The following PDE10A variants were observed in gnomAD, a reference collection of about 807,000 sequenced individuals.
The protein encoded by PDE10A is phosphodiesterase 10A.
A neutral mutation model predicts 97.7 loss-of-function variants in PDE10A; 39 were observed. That is an observed-to-expected ratio of 0.40 (90% confidence interval 0.31 to 0.52). PDE10A has a LOEUF of 0.52. PDE10A is among the 20% of genes least tolerant of loss of function. The pLI is 0.56. For missense variants in PDE10A, 731 were observed against 1,047.8 expected (o/e 0.70, Z 4.17); for synonymous variants, 371 against 376.8 (o/e 0.98, Z 0.18).
intron 1 of PDE10A, among the ~76,000 whole-genome samples, chr6:165,979,951 T>C (rs1300205331): frequency 4.6e-5 from 7 of 152,220 alleles, no homozygotes; most frequent in Non-Finnish European, 8.8e-5. Flanking sequence ...ACTACTTAAA[T>C]TCCTCAATGT....
chr6:165,329,731 T>C lies in PDE10A; in HGVS notation c.*3294A>G, dbSNP rs530834154. Reference sequence around the variant, plus strand: ...GAAATCTATTATTGAACACATCTAGTTTCCAATTAGTTGCTTTTGTTGTGG... The same window carrying C: ...GAAATCTATTATTGAACACATCTAGCTTCCAATTAGTTGCTTTTGTTGTGG... On this transcript the variant is annotated 3_prime_UTR_variant, in exon 22 of 22. Coordinates refer to ENST00000539869, the MANE Select transcript of PDE10A (RefSeq NM_001385079.1). The C allele has an allele frequency of 1.3e-5, 2 of 152,310 alleles. No homozygotes were observed. The highest frequency in any genetic ancestry group is 6.5e-5 in the Admixed American group (1 of 15,302). 9.4% of individuals were successfully genotyped at this position (152,310 alleles called of 1,614,324 possible).
At chr6:165,619,961 T>C (rs537471567) in intron 1 of PDE10A, among the ~76,000 whole-genome samples, 1 of 152,256 alleles carries the variant, frequency 6.6e-6, no homozygotes, top group South Asian at 2.1e-4. Flanking sequence ...TGTTAACTTC[T>C]AATAACTGAC....
chr6:165,718,077 T>G (rs999737908), intron 1 of PDE10A, among the ~76,000 whole-genome samples: 1 of 152,252 alleles, frequency 6.6e-6, no homozygotes, highest in South Asian at 2.1e-4. Context: ...TGTCCTTTGA[T>G]GCACAAAAGT....
At chr6:165,523,678 C>A (rs1367620626) in intron 2 of PDE10A, among the ~76,000 whole-genome samples, 4 of 152,094 alleles carry the variant, frequency 2.6e-5, no homozygotes, top group African/African-American at 9.7e-5. Flanking sequence ...TATAAGAACC[C>A]TAGGAAATAC....
At chr6:165,648,702 T>C (rs549186804) in intron 1 of PDE10A, among the ~76,000 whole-genome samples, 200 of 152,004 alleles carry the variant, frequency 1.3e-3, no homozygotes, top group Non-Finnish European at 1.9e-3. Context: ...AGGAAAAAAA[T>C]GGACAGATTT....
In PDE10A at chr6:165,489,947, G is replaced by A. The variant is rs547186554; in HGVS notation, c.995-7604C>T. 2.8e-4 allele frequency among the ~76,000 whole-genome samples: 43 copies of A among 152,230 alleles called. 1 individual carries two copies. Among genetic ancestry groups the A allele is most frequent in the African/African-American group, 7.7e-4 (32 of 41,526 alleles). The stretch of plus-strand genomic sequence containing the variant: ...AAGCCTCCAAGAAGTTTAAAATTAC[G>A]TTAAACAACCAAACCTAAGAATAAT... On this transcript the variant is annotated intron_variant, in intron 2 of 21. Coordinates refer to ENST00000539869, the MANE Select transcript of PDE10A (RefSeq NM_001385079.1).
chr6:165,642,796 G>A (rs973050776), intron 1 of PDE10A, among the ~76,000 whole-genome samples: 9 of 152,174 alleles, frequency 5.9e-5, no homozygotes, highest in Non-Finnish European at 1.3e-4. Context: ...GCATTCACTC[G>A]CTCTCTTGCG....
At chr6:165,826,711 G>C (rs1285360083) in intron 1 of PDE10A, among the ~76,000 whole-genome samples, 1 of 151,742 alleles carries the variant, frequency 6.6e-6, no homozygotes, top group Non-Finnish European at 1.5e-5. Context: ...GCGGGCGCGT[G>C]GTACTCTGGT....
chr6:165,440,803 CTATA>C (rs141047307), intron 5 of PDE10A, among the ~76,000 whole-genome samples: 3 of 150,006 alleles, frequency 2.0e-5, no homozygotes, highest in Non-Finnish European at 4.4e-5. Flanking sequence ...TTAAAATAAC[CTATA>C]TATATATATA....
chr6:165,968,228 G>A (rs555049681), intron 1 of PDE10A, among the ~76,000 whole-genome samples: 1 of 152,332 alleles, frequency 6.6e-6, no homozygotes, highest in African/African-American at 2.4e-5. Flanking sequence ...TTAGCGAAGA[G>A]TATTGTGCAG....
chr6:165,729,609 A>T (rs1000971908), intron 1 of PDE10A, among the ~76,000 whole-genome samples: 1 of 152,178 alleles, frequency 6.6e-6, no homozygotes, highest in African/African-American at 2.4e-5. Flanking sequence ...TTAATAGGAA[A>T]CATTGTATTC....
At chr6:165,729,509 C>A (rs1278198563) in intron 1 of PDE10A, among the ~76,000 whole-genome samples, 1 of 152,140 alleles carries the variant, frequency 6.6e-6, no homozygotes, top group Non-Finnish European at 1.5e-5. Flanking sequence ...CACAGGGGGG[C>A]AGCAACCCAA....
intron 1 of PDE10A, among the ~76,000 whole-genome samples, chr6:165,772,759 G>C (rs1778049876): frequency 2.0e-5 from 3 of 152,152 alleles, no homozygotes; most frequent in South Asian, 2.1e-4. Context: ...GGCGGGGTGG[G>C]GGAGCAAGGA....
chr6:165,643,507 G>T (rs1033789994), intron 1 of PDE10A, among the ~76,000 whole-genome samples: 1 of 152,144 alleles, frequency 6.6e-6, no homozygotes, highest in Non-Finnish European at 1.5e-5. Flanking sequence ...CCATAGTAAG[G>T]CTCTGAAGAA....
intron 20 of PDE10A, 54 bp from the exon 21 acceptor site, chr6:165,336,265 C>T (rs1781641454): frequency 2.6e-6 from 3 of 1,141,070 alleles, no homozygotes; most frequent in Admixed American, 3.5e-5. Flanking sequence ...TTAGCAATTC[C>T]AGTGATATTT....
rs573195058 is a variant in PDE10A, at chr6:165,836,232, C to T, written c.-615+151297G>A. On this transcript the variant is annotated intron_variant, in intron 1 of 19. Transcript: ENST00000366882. ...CAAGGCTACACCAGACCTCTTCCGA[C>T]CATGTCACAACCCTACACACGAGTC... 3.3e-5 allele frequency among the ~76,000 whole-genome samples: 5 copies of T among 152,302 alleles called. No individual in the cohort carries two copies. The South Asian group carries it at 8.3e-4, about 25-fold the overall frequency.
intron 1 of PDE10A, among the ~76,000 whole-genome samples, chr6:165,897,140 T>C (rs1278458298): frequency 6.6e-6 from 1 of 152,178 alleles, no homozygotes; most frequent in African/African-American, 2.4e-5. Flanking sequence ...CGGAACTTCC[T>C]GGTGTCCAAG....
intron 1 of PDE10A, among the ~76,000 whole-genome samples, chr6:165,890,462 A>T (rs1318162843): frequency 6.6e-6 from 1 of 151,484 alleles, no homozygotes; most frequent in African/African-American, 2.4e-5. Flanking sequence ...TAAATCCTCA[A>T]TTTTTTGTCC....
chr6:165,532,659 T>C (rs1196896449), intron 2 of PDE10A, among the ~76,000 whole-genome samples: 1 of 152,116 alleles, frequency 6.6e-6, no homozygotes, highest in Non-Finnish European at 1.5e-5. Flanking sequence ...CCAGAGGTTC[T>C]GATTTAGCAA....
Sources: allele counts gnomAD v4.1 joint callset (sites outside exome capture counted in the v4.1 genomes callset), GRCh38; gene constraint gnomAD v4.1.1; transcripts MANE v1.5; gene names NCBI Gene and HGNC (gene_info 2026-07-23, HGNC 2026-07-21).